GLYATL1: variants seen among roughly 807,000 people sequenced by gnomAD.
GLYATL1 encodes glycine N-acyltransferase-like protein 1.
GLYATL1 carries 15 observed loss-of-function variants against 20.0 expected under a neutral mutation model. The observed-to-expected ratio is 0.75, with a 90% CI of 0.50 to 1.15. The LOEUF is 1.15. GLYATL1 is among the 50% of genes most tolerant of loss of function. The pLI, the probability that GLYATL1 is intolerant of heterozygous loss-of-function variation, is 0.00. For missense variants in GLYATL1, 380 were observed against 368.5 expected, an observed-to-expected ratio of 1.03 and a Z score of -0.26; for synonymous variants, 151 against 131.5, an observed-to-expected ratio of 1.15 and a Z score of -1.01.
chr11:58,933,353 T>A (rs1855685689), intron 1 of GLYATL1, among the ~76,000 whole-genome samples: 1 of 152,212 alleles, frequency 6.6e-6, no homozygotes, highest in Admixed American at 6.5e-5. Flanking sequence ...CTCAGCTCAT[T>A]CCATTGTACC....
intron 4 of GLYATL1, among the ~76,000 whole-genome samples, chr11:58,949,968 C>T (rs1164760404): frequency 6.6e-6 from 1 of 151,870 alleles, no homozygotes; most frequent in Non-Finnish European, 1.5e-5. Flanking sequence ...CCCTCCTCTC[C>T]TCCTTTCCTA....
chr11:58,939,882 G>A (rs1166604806), intron 1 of GLYATL1, among the ~76,000 whole-genome samples: 1 of 152,114 alleles, frequency 6.6e-6, no homozygotes, highest in Admixed American at 6.6e-5. Flanking sequence ...CTCCATTTGA[G>A]AAATTCTGAA....
At chr11:58,944,358 TGTG>T (rs983388354) in intron 2 of GLYATL1, among the ~76,000 whole-genome samples, 2 of 152,292 alleles carry the variant, frequency 1.3e-5, no homozygotes, top group South Asian at 2.1e-4. Flanking sequence ...TGTACAGAAT[TGTG>T]GTGAATGGGG....
At chr11:58,930,063 C>T (rs1434116818) in intron 1 of GLYATL1, among the ~76,000 whole-genome samples, 1 of 152,084 alleles carries the variant, frequency 6.6e-6, no homozygotes, top group African/African-American at 2.4e-5. Context: ...CTCTGTTATT[C>T]CATGGTGGCC....
intron 2 of GLYATL1, among the ~76,000 whole-genome samples, chr11:58,945,182 G>A (rs554365161): frequency 8.6e-5 from 13 of 152,014 alleles, no homozygotes; most frequent in Non-Finnish European, 1.5e-4. Flanking sequence ...ATACAATACC[G>A]CTGCATTGTA....
intron 1 of GLYATL1, among the ~76,000 whole-genome samples, chr11:58,928,902 G>T (rs72915178): frequency 2.5e-4 from 38 of 152,170 alleles, no homozygotes; most frequent in African/African-American, 9.2e-4. Flanking sequence ...TGTCTCAAAG[G>T]TTACTTAATG....
At chr11:58,926,698 T>G (rs1855436741), upstream of GLYATL1, among the ~76,000 whole-genome samples, 1 of 152,242 alleles carries the variant, frequency 6.6e-6, no homozygotes, top group African/African-American at 2.4e-5. Flanking sequence ...AGTCATAACT[T>G]AGCAATTGAC....
Position 58,943,643 on chromosome 11 carries a change from T to C in GLYATL1, c.-66T>C. 1 of 1,613,624 alleles carries C rather than the reference T, an allele frequency of 6.2e-7. No individual in the cohort carries two copies. On this transcript the variant is annotated 5_prime_UTR_variant, in exon 2 of 7. Transcript: ENST00000532726. ...CAGGATCCAATTGTGTCCATTGATC[T>C]CTCAGAGTGGCTGAGGATAATAGGT...
chr11:58,914,497 A>G (rs1855122966), intron 1 of GLYATL1, among the ~76,000 whole-genome samples: 1 of 152,250 alleles, frequency 6.6e-6, no homozygotes, highest in Non-Finnish European at 1.5e-5. Context: ...TAATATCATT[A>G]CATGGGTTGG....
chr11:58,912,593 A>G (rs924499570), downstream of GLYATL1, among the ~76,000 whole-genome samples: 3 of 152,208 alleles, frequency 2.0e-5, no homozygotes, highest in Non-Finnish European at 2.9e-5. Flanking sequence ...GATGGTCAAG[A>G]TAATAAGTTA....
At chr11:58,951,396 A>G (rs556015934) in intron 4 of GLYATL1, among the ~76,000 whole-genome samples, 1 of 151,968 alleles carries the variant, frequency 6.6e-6, no homozygotes, top group Non-Finnish European at 1.5e-5. Flanking sequence ...GTCTTTTCTC[A>G]TGCTATTTCA....
chr11:58,944,269 T>C (rs575954109), intron 2 of GLYATL1, among the ~76,000 whole-genome samples: 29 of 152,300 alleles, frequency 1.9e-4, no homozygotes, highest in African/African-American at 6.5e-4. Flanking sequence ...TTTGGCACTA[T>C]TGGATGTCAA....
rs554192908 is a variant in GLYATL1, at chr11:58,921,618, G to A, written n.264+15957G>A. 6.6e-5 allele frequency among the ~76,000 whole-genome samples: 10 copies of A among 152,176 alleles called. No homozygotes were observed. The South Asian group carries it at 1.0e-3, about 16-fold the overall frequency. On this transcript the variant is annotated intron_variant and non_coding_transcript_variant, in intron 1 of 2. Transcript: ENST00000534674. ...CATTGATTTCTCTTTAGCCTTGGCC[G>A]GCTCTCGAATCCCTTTCCAGACCAG...
chr11:58,924,792 G>A (rs1855389667), upstream of GLYATL1, among the ~76,000 whole-genome samples: 1 of 152,146 alleles, frequency 6.6e-6, no homozygotes, highest in Non-Finnish European at 1.5e-5. Context: ...CTGTTGCTAA[G>A]GAACCCCACT....
chr11:58,927,078 T>C (rs1189337555), upstream of GLYATL1, among the ~76,000 whole-genome samples: 1 of 152,238 alleles, frequency 6.6e-6, no homozygotes, highest in Non-Finnish European at 1.5e-5. Flanking sequence ...CACCTTTTAA[T>C]TGAACAAATA....
At chr11:58,953,724 G>T (rs955273281) in intron 4 of GLYATL1, among the ~76,000 whole-genome samples, 1 of 152,000 alleles carries the variant, frequency 6.6e-6, no homozygotes, top group African/African-American at 2.4e-5. Flanking sequence ...TTTTGGGTTT[G>T]ACCATATTCA....
intron 1 of GLYATL1, among the ~76,000 whole-genome samples, chr11:58,940,629 A>C (rs577025252): frequency 6.8e-4 from 104 of 152,304 alleles, no homozygotes; most frequent in African/African-American, 2.5e-3. Flanking sequence ...AAATTTTGTA[A>C]AATAAAACTA....
rs2135221971 is a variant in GLYATL1, at chr11:58,947,181, G to A, written c.78+16G>A. 6.2e-7 allele frequency: 1 copy of A among 1,613,088 alleles called. No individual in the cohort carries two copies. Among genetic ancestry groups the A allele is most frequent in the African/African-American group, 1.3e-5 (1 of 75,020 alleles). ...GTCCCTGAAGGTCAGGGAACAGTGG[G>A]AGGTCAGGGTATGGGAGTAGGGGTG... On this transcript the variant is annotated intron_variant, in intron 3 of 6. Coordinates refer to ENST00000532726, the MANE Select transcript of GLYATL1 (RefSeq NM_001389712.2).
chr11:58,923,311 G>A (rs1855351111), upstream of GLYATL1, among the ~76,000 whole-genome samples: 1 of 152,192 alleles, frequency 6.6e-6, no homozygotes. Context: ...TGCTTTGAAT[G>A]ACTTTGGGTA....
Sources: gnomAD v4.1 joint callset for allele counts (sites outside exome capture counted in the v4.1 genomes callset) on GRCh38, gnomAD v4.1.1 for gene constraint, MANE v1.5 for transcripts, NCBI Gene and HGNC (gene_info 2026-07-23, HGNC 2026-07-21) for gene names.